TEN1: variants seen among roughly 807,000 people sequenced by gnomAD.
TEN1 encodes TEN1 subunit of CST complex, also known as CST complex subunit TEN1.
A neutral mutation model predicts 9.3 loss-of-function variants in TEN1; 6 were observed. The observed-to-expected ratio is 0.65, with a 90% confidence interval of 0.35 to 1.27. The LOEUF (loss-of-function observed/expected upper bound fraction) is 1.27, where lower values mean the gene tolerates loss of function less well. TEN1 is among the 50% of genes most tolerant of loss of function. The pLI is 0.03. For missense variants in TEN1, 149 were observed against 158.2 expected, an observed-to-expected ratio of 0.94 and a Z score of 0.31; for synonymous variants, 65 against 65.6, an observed-to-expected ratio of 0.99 and a Z score of 0.04.
intron 1 of TEN1, among the ~76,000 whole-genome samples, chr17:75,983,992 ATCTTAGCAGAGTTCGGGCTTC>A (rs2066137697): frequency 6.6e-6 from 1 of 152,176 alleles, no homozygotes; most frequent in Non-Finnish European, 1.5e-5. Flanking sequence ...ATGGCTGGCA[ATCTTAGCAGAGTTCGGGCTTC>A]TCTGTGCTCC....
intron 1 of TEN1, among the ~76,000 whole-genome samples, 178 bp downstream of exon 1, chr17:75,979,689 G>C (rs1424539950): frequency 6.6e-6 from 1 of 152,158 alleles, no homozygotes; most frequent in Non-Finnish European, 1.5e-5. Flanking sequence ...GGGGCTTTGC[G>C]GAATTGCTAG....
At chr17:75,988,556 T>G (rs2066165689) in intron 2 of TEN1, among the ~76,000 whole-genome samples, 1 of 86,366 alleles carries the variant, frequency 1.2e-5, no homozygotes, top group African/African-American at 5.8e-5. Flanking sequence ...AGTGAGATCC[T>G]GCCTCAAAAA....
At chr17:75,992,657 C>T (rs1463630722) in intron 3 of TEN1, among the ~76,000 whole-genome samples, 1 of 150,918 alleles carries the variant, frequency 6.6e-6, no homozygotes, top group South Asian at 2.1e-4. Flanking sequence ...GGACTATGGG[C>T]GCCCGCCACC....
intron 1 of TEN1, among the ~76,000 whole-genome samples, chr17:75,985,745 A>G (rs2066147461): frequency 6.6e-6 from 1 of 151,562 alleles, no homozygotes; most frequent in Admixed American, 6.6e-5. Context: ...GCTGGTCTTG[A>G]ACTCCTGACC....
chr17:75,991,549 C>T lies in TEN1; in HGVS notation c.176C>T (p.Thr59Ile), dbSNP rs1373602232. The stretch of plus-strand genomic sequence containing the variant: ...GATCAGCACCAGGTTCTTGTCTGTA[C>T]CAAGTTGGTGGAGCCCTTCCACGCC... ...GSDQHQVLVC[T>I]KLVEPFHAQV... The change falls in exon 3 of 4, where the codon ACC (threonine) becomes ATC (isoleucine). Residue 59 changes from threonine (T) to isoleucine (I), a missense_variant. By Grantham distance (89) the Thr-to-Ile change is moderately conservative (BLOSUM62 -1). Coordinates refer to ENST00000397640, the MANE Select transcript of TEN1 (RefSeq NM_001113324.3). The T allele has an allele frequency of 2.6e-6, 4 of 1,552,304 alleles. No homozygotes were observed. Among genetic ancestry groups the T allele is most frequent in the Non-Finnish European group, 3.5e-6 (4 of 1,147,116 alleles).
At chr17:75,981,924 G>T (rs568436199) in intron 1 of TEN1, among the ~76,000 whole-genome samples, 3 of 152,330 alleles carry the variant, frequency 2.0e-5, no homozygotes, top group Non-Finnish European at 4.4e-5. Context: ...CTACTCGGGA[G>T]TCTGAGGCAG....
intron 2 of TEN1, 110 bp downstream of exon 2, chr17:75,986,394 G>T: frequency 9.3e-7 from 1 of 1,076,902 alleles, no homozygotes. Context: ...ATCTAATTAT[G>T]TTAAAATACT....
At chr17:75,987,218 T>C (rs946660599) in intron 2 of TEN1, among the ~76,000 whole-genome samples, 11 of 152,196 alleles carry the variant, frequency 7.2e-5, no homozygotes, top group African/African-American at 2.4e-4. Flanking sequence ...GGGTCGCTCA[T>C]GGGAGTGGCA....
chr17:75,998,730 G>A (rs1433496148), intron 3 of TEN1, among the ~76,000 whole-genome samples: 1 of 151,304 alleles, frequency 6.6e-6, no homozygotes, highest in Non-Finnish European at 1.5e-5. Flanking sequence ...TCACTCTGTT[G>A]CCCAGGCTGG....
At chr17:75,996,485 C>CA (rs958294724) in intron 3 of TEN1, among the ~76,000 whole-genome samples, 9 of 147,692 alleles carry the variant, frequency 6.1e-5, no homozygotes, top group African/African-American at 2.2e-4. Context: ...AACTCCATCT[C>CA]AAAAAAAAAT....
chr17:75,979,485 T>G lies in TEN1; in HGVS notation c.-33T>G. ...GACCACGCGAGGCGGAAAGAAGAAA[T>G]CCGAGGACCGGCGACGCCTAGAACA... On this transcript the variant is annotated 5_prime_UTR_variant, in exon 1 of 4. Transcript: ENST00000397640. The G allele has an allele frequency of 3.0e-6, 1 of 331,350 alleles. No homozygotes were observed. Among genetic ancestry groups the G allele is most frequent in the Non-Finnish European group, 5.9e-6 (1 of 169,436 alleles). 20.5% of individuals were successfully genotyped at this position (331,350 alleles called of 1,614,324 possible). A position where few individuals can be genotyped will look rare whatever the true frequency, so the allele number is the denominator to read the frequency against.
At chr17:75,998,623 G>C (rs1388230247) in intron 3 of TEN1, among the ~76,000 whole-genome samples, 1 of 152,212 alleles carries the variant, frequency 6.6e-6, no homozygotes, top group Non-Finnish European at 1.5e-5. Context: ...CTAGAGGAAA[G>C]GGCAGGCAGA....
intron 2 of TEN1, among the ~76,000 whole-genome samples, chr17:75,989,437 G>A (rs1034144888): frequency 6.9e-6 from 1 of 145,296 alleles, no homozygotes; most frequent in African/African-American, 2.6e-5. Flanking sequence ...AATTGAGATG[G>A]AGTCTTGCTC....
At chr17:75,992,719 A>G (rs2066193811) in intron 3 of TEN1, among the ~76,000 whole-genome samples, 1 of 150,238 alleles carries the variant, frequency 6.7e-6, no homozygotes, top group South Asian at 2.1e-4. Context: ...TCACCGTATT[A>G]GCCAGGATGG....
Position 75,979,498 on chromosome 17 carries a change from G to A in TEN1, c.-20G>A. The A allele has an allele frequency of 5.9e-6, 2 of 339,406 alleles. No individual in the cohort carries two copies. The highest frequency in any genetic ancestry group is 4.6e-5 in the South Asian group (2 of 43,534). The allele number at this position is 339,406 out of a possible 1,614,324, so 21.0% of individuals were successfully genotyped here. ...GGAAAGAAGAAATCCGAGGACCGGC[G>A]ACGCCTAGAACAGGTTGGCTGGGGC... On this transcript the variant is annotated 5_prime_UTR_variant, in exon 1 of 4. Transcript: ENST00000397640.
At chr17:75,980,260 G>A (rs2066107351) in intron 1 of TEN1, among the ~76,000 whole-genome samples, 1 of 152,116 alleles carries the variant, frequency 6.6e-6, no homozygotes, top group African/African-American at 2.4e-5. Flanking sequence ...GGTGGCTTGA[G>A]CCCCGGAGGT....
chr17:75,994,193 G>C (rs2066204661), intron 3 of TEN1, among the ~76,000 whole-genome samples: 1 of 151,784 alleles, frequency 6.6e-6, no homozygotes, highest in African/African-American at 2.4e-5. Context: ...CTAGCACTTT[G>C]GGAGGCTAAG....
intron 2 of TEN1, among the ~76,000 whole-genome samples, chr17:75,990,109 G>T (rs1014373785): frequency 6.7e-6 from 1 of 149,198 alleles, no homozygotes; most frequent in African/African-American, 2.5e-5. Flanking sequence ...GCAGTGGTAC[G>T]ATCTCGGCTC....
chr17:75,987,978 G>A (rs533792282), intron 2 of TEN1, among the ~76,000 whole-genome samples: 34 of 146,064 alleles, frequency 2.3e-4, no homozygotes, highest in East Asian at 1.6e-3. Flanking sequence ...GGTGGTTCAC[G>A]CCTGTAATGC....
Sources: allele counts gnomAD v4.1 joint callset (sites outside exome capture counted in the v4.1 genomes callset), GRCh38; gene constraint gnomAD v4.1.1; transcripts MANE v1.5; gene names NCBI Gene and HGNC (gene_info 2026-07-23, HGNC 2026-07-21).